Variants in HRH1 observed in about 807,000 individuals in gnomAD.
HRH1 encodes the protein histamine receptor H1, also known as histamine H1 receptor.
Under a neutral mutation model 10.3 loss-of-function variants are expected in HRH1, and 6 were observed. That is an observed-to-expected ratio of 0.58 (90% CI 0.32 to 1.15). The LOEUF (loss-of-function observed/expected upper bound fraction) is 1.15. Ranked by LOEUF, HRH1 falls within the 50% of genes most tolerant of loss-of-function variation. The pLI is 0.05. For synonymous variants in HRH1, 242 were observed against 236.7 expected (o/e 1.02, Z -0.21); for missense variants, 514 against 615.3 (o/e 0.84, Z 1.74).
chr3:11,224,663 G>A (rs1358945643), intron 1 of HRH1, among the ~76,000 whole-genome samples: 1 of 150,162 alleles, frequency 6.7e-6, no homozygotes, highest in South Asian at 2.1e-4. Flanking sequence ...ATGCGCCACT[G>A]CACTCCAGCC....
intron 1 of HRH1, among the ~76,000 whole-genome samples, chr3:11,257,268 A>ATCTT (rs1199448830): frequency 1.3e-5 from 2 of 150,316 alleles, no homozygotes; most frequent in East Asian, 3.9e-4. Context: ...AAAAAAAAAA[A>ATCTT]AAAATGGCTG....
chr3:11,198,883 G>A (rs1937781914), intron 1 of HRH1, among the ~76,000 whole-genome samples: 1 of 149,370 alleles, frequency 6.7e-6, no homozygotes, highest in South Asian at 2.1e-4. Flanking sequence ...CCTGTGTATT[G>A]TAAACTCTCT....
At chr3:11,189,433 G>A (rs1937506026) in intron 1 of HRH1, among the ~76,000 whole-genome samples, 1 of 152,054 alleles carries the variant, frequency 6.6e-6, no homozygotes, top group African/African-American at 2.4e-5. Flanking sequence ...AATAGTGCAG[G>A]GGACATCATT....
At chr3:11,156,957 T>G (rs1160059017) in intron 1 of HRH1, among the ~76,000 whole-genome samples, 1 of 152,210 alleles carries the variant, frequency 6.6e-6, no homozygotes. Flanking sequence ...AGACTTGAAG[T>G]CTCAGTGTGG....
chr3:11,220,994 T>C (rs2125039823), intron 1 of HRH1, among the ~76,000 whole-genome samples: 2 of 152,240 alleles, frequency 1.3e-5, no homozygotes, highest in Non-Finnish European at 2.9e-5. Context: ...AGTTCAATGT[T>C]AAATAGACTC....
intron 1 of HRH1, among the ~76,000 whole-genome samples, chr3:11,203,788 A>G (rs909406307): frequency 1.3e-5 from 2 of 152,184 alleles, no homozygotes; most frequent in Admixed American, 6.5e-5. Flanking sequence ...CAGTCTGCCA[A>G]CTTTGCTCTT....
intron 1 of HRH1, among the ~76,000 whole-genome samples, chr3:11,168,541 T>C (rs534782411): frequency 2.0e-5 from 3 of 152,296 alleles, no homozygotes; most frequent in African/African-American, 7.2e-5. Context: ...ATCTCTCTGA[T>C]GCGCTCGCCC....
intron 1 of HRH1, among the ~76,000 whole-genome samples, chr3:11,220,976 A>G (rs755891731): frequency 7.2e-5 from 11 of 152,208 alleles, no homozygotes; most frequent in Non-Finnish European, 1.5e-4. Flanking sequence ...GATGAGAAGG[A>G]GAAATCAAGT....
At chr3:11,182,911 C>T (rs915463395) in intron 1 of HRH1, among the ~76,000 whole-genome samples, 2 of 152,174 alleles carry the variant, frequency 1.3e-5, no homozygotes, top group Non-Finnish European at 2.9e-5. Context: ...TGCTGCCACA[C>T]CTTGCCTCCT....
intron 1 of HRH1, among the ~76,000 whole-genome samples, chr3:11,257,914 C>A (rs1023383052): frequency 6.6e-6 from 1 of 152,178 alleles, no homozygotes; most frequent in Non-Finnish European, 1.5e-5. Context: ...TGCCCTCAAG[C>A]AATCCTCCCA....
At chr3:11,145,326 T>C (rs780892838) in intron 1 of HRH1, among the ~76,000 whole-genome samples, 1 of 152,172 alleles carries the variant, frequency 6.6e-6, no homozygotes, top group Non-Finnish European at 1.5e-5. Context: ...TGAGTGCCCT[T>C]GCATGCTGTT....
At chr3:11,252,909 T>C (rs764038833) in intron 1 of HRH1, 2 of 152,164 alleles carry the variant, frequency 1.3e-5, no homozygotes, top group Admixed American at 6.5e-5. Flanking sequence ...TCGGGATAAA[T>C]GTGTTCTTCG....
Position 11,204,035 on chromosome 3 carries a change from T to G in HRH1, c.-36+49481T>G, listed in dbSNP as rs1575009026. Among the ~76,000 whole-genome samples the G allele has an allele frequency of 2.0e-5, 3 of 152,336 alleles. 1 individual carries two copies. The Middle Eastern group carries it at 0.01, about 518-fold the overall frequency. ...CTAACTTTTCCTTAATTGAAAGGAATGGGAGAATAGGTATCTCATTCGTCA... is the reference window on the plus strand; with the variant it reads ...CTAACTTTTCCTTAATTGAAAGGAAGGGGAGAATAGGTATCTCATTCGTCA... On this transcript the variant is annotated intron_variant, in intron 1 of 1. Transcript: ENST00000431010.
intron 1 of HRH1, among the ~76,000 whole-genome samples, chr3:11,139,794 G>T (rs182179111): frequency 9.6e-4 from 146 of 152,290 alleles, no homozygotes; most frequent in African/African-American, 3.1e-3. Context: ...CCATTCATAT[G>T]AAAGTTCAGA....
At chr3:11,184,954 T>C (rs1044471695) in intron 1 of HRH1, among the ~76,000 whole-genome samples, 1 of 150,308 alleles carries the variant, frequency 6.7e-6, no homozygotes, top group Non-Finnish European at 1.5e-5. Flanking sequence ...CTAATTTTGA[T>C]AGGCTCAGTG....
intron 1 of HRH1, among the ~76,000 whole-genome samples, chr3:11,202,210 C>T (rs901252538): frequency 7.2e-5 from 11 of 152,130 alleles, no homozygotes; most frequent in African/African-American, 2.7e-4. Context: ...TCATGACCAG[C>T]CTGGCCAACA....
At chr3:11,163,740 C>T (rs1936973231) in intron 1 of HRH1, among the ~76,000 whole-genome samples, 2 of 152,138 alleles carry the variant, frequency 1.3e-5, no homozygotes, top group African/African-American at 4.8e-5. Context: ...TAGGTCACAT[C>T]GATGCCTAAG....
intron 1 of HRH1, among the ~76,000 whole-genome samples, chr3:11,255,222 G>T (rs547639804): frequency 9.3e-4 from 141 of 152,218 alleles, no homozygotes; most frequent in African/African-American, 3.4e-3. Context: ...TCCAGCTTGG[G>T]CAATGAGAGT....
At chr3:11,180,618 A>G (rs554630510) in intron 1 of HRH1, among the ~76,000 whole-genome samples, 100 of 151,550 alleles carry the variant, frequency 6.6e-4, no homozygotes, top group African/African-American at 2.3e-3. Flanking sequence ...TACCACTCTC[A>G]CCTCCAGCCC....
Sources: allele counts gnomAD v4.1 joint callset (sites outside exome capture counted in the v4.1 genomes callset), GRCh38; gene constraint gnomAD v4.1.1; transcripts MANE v1.5; gene names NCBI Gene and HGNC (gene_info 2026-07-23, HGNC 2026-07-21).